EPHB2: variants seen among roughly 807,000 people sequenced by gnomAD.
The protein encoded by EPHB2 is EPH receptor B2, also known as ephrin type-B receptor 2.
Under a neutral mutation model 96.4 loss-of-function variants are expected in EPHB2, and 18 were observed. The ratio of observed to expected loss-of-function variants is 0.19; its 90% confidence interval spans 0.13 to 0.28. The LOEUF (loss-of-function observed/expected upper bound fraction) is 0.28. Ranked by LOEUF, EPHB2 falls within the 10% of genes least tolerant of loss-of-function variation. The pLI is 1.00. For missense variants in EPHB2, 989 were observed against 1,355.4 expected (o/e 0.73, Z 4.25); for synonymous variants, 506 against 534.1 (o/e 0.95, Z 0.72).
intron 1 of EPHB2, chr1:22,775,202 A>G: frequency 1.3e-6 from 1 of 779,782 alleles, no homozygotes; most frequent in Non-Finnish European, 2.4e-6. Context: ...AAATAGATGG[A>G]TGTGGGTTCC....
chr1:22,741,400 C>T (rs1643900483), intron 1 of EPHB2, among the ~76,000 whole-genome samples: 1 of 152,128 alleles, frequency 6.6e-6, no homozygotes, highest in Non-Finnish European at 1.5e-5. Context: ...TGCCTTCCTC[C>T]AGCCTGCGCC....
At position 22,882,704 on chromosome 1, in the gene EPHB2, T is replaced by C. The variant is rs1639090499; in HGVS notation, c.1428+221T>C. On this transcript the variant is annotated intron_variant, in intron 6 of 15. Coordinates refer to ENST00000374630, the MANE Select transcript of EPHB2 (RefSeq NM_017449.5). ...TTGACCTCTCTGGATCTCACTTTTC[T>C]GGTCTGGAGGATACACCCAGCAATC... is the stretch of plus-strand genomic sequence containing the variant. The C allele has an allele frequency of 3.1e-5, 17 of 550,206 alleles. No homozygotes were observed. The South Asian group carries it at 3.1e-4, about 10-fold the overall frequency. 34.1% of individuals were successfully genotyped at this position (550,206 alleles called of 1,614,324 possible).
chr1:22,864,081 C>T (rs894620107), intron 4 of EPHB2, among the ~76,000 whole-genome samples: 1 of 148,194 alleles, frequency 6.7e-6, no homozygotes, highest in African/African-American at 2.5e-5. Flanking sequence ...CACTCTGTCG[C>T]CCAGGCTCTG....
intron 3 of EPHB2, among the ~76,000 whole-genome samples, chr1:22,801,937 G>A (rs535955873): frequency 1.3e-5 from 2 of 152,342 alleles, no homozygotes; most frequent in South Asian, 4.1e-4. Context: ...TGACAGCCGC[G>A]CCGAATCCCG....
intron 1 of EPHB2, among the ~76,000 whole-genome samples, chr1:22,762,009 T>C (rs1337899721): frequency 6.6e-6 from 1 of 152,172 alleles, no homozygotes; most frequent in Non-Finnish European, 1.5e-5. Flanking sequence ...TAAAAGAAAA[T>C]GAAAATTGAA....
chr1:22,803,712 T>C (rs1644882369), intron 3 of EPHB2, among the ~76,000 whole-genome samples: 2 of 148,714 alleles, frequency 1.3e-5, no homozygotes, highest in Admixed American at 6.7e-5. Context: ...TATATGTATA[T>C]GTGTATATAT....
intron 1 of EPHB2, among the ~76,000 whole-genome samples, chr1:22,747,306 T>C (rs914923625): frequency 6.6e-6 from 1 of 152,226 alleles, no homozygotes; most frequent in Admixed American, 6.5e-5. Context: ...TAAGCCCTTT[T>C]TCTGTGCCAA....
In EPHB2 at chr1:22,892,913, A is replaced by G; in HGVS notation, c.1458A>G (p.Ile486Met). The stretch of plus-strand genomic sequence containing the variant: ...TCAGTGAGTACAACGCCACAGCCAT[A>G]AAAAGCCCCACCAACACGGTCACCG... ...KELSEYNATAIKSPTNTVTVQ... is the reference protein window; with the variant it reads ...KELSEYNATAMKSPTNTVTVQ... Residue 486 changes from isoleucine to methionine, a missense_variant, in exon 7 of 16, where the codon ATA becomes ATG. Physicochemically the swap from Ile to Met is conservative, Grantham distance 10. Coordinates refer to ENST00000374630, the MANE Select transcript of EPHB2 (RefSeq NM_017449.5). The G allele has an allele frequency of 6.2e-7, 1 of 1,614,218 alleles. No individual in the cohort carries two copies. The highest frequency in any genetic ancestry group is 8.5e-7 in the Non-Finnish European group (1 of 1,180,028).
intron 1 of EPHB2, among the ~76,000 whole-genome samples, chr1:22,738,957 C>T (rs1455230982): frequency 1.3e-5 from 2 of 152,210 alleles, no homozygotes; most frequent in Non-Finnish European, 2.9e-5. Context: ...AGTATGCTCA[C>T]TCCCAAGTCT....
At chr1:22,864,823 G>T in intron 4 of EPHB2, 54 bp from the exon 5 acceptor site, 1 of 1,228,750 alleles carries the variant, frequency 8.1e-7, no homozygotes, top group South Asian at 1.4e-5. Flanking sequence ...GTGGTCACAT[G>T]GGGAATAGTA....
rs766097563 is a variant in EPHB2 at position 22,908,147 on chromosome 1, C to T, written c.2331C>T (p.Asp777=). The T allele has an allele frequency of 3.1e-6, 5 of 1,614,236 alleles. No individual in the cohort carries two copies. In the South Asian group the frequency reaches 5.5e-5, roughly 18 times the overall value. The change falls in exon 12 of 16, where the codon GAC becomes GAT. Residue 777 remains aspartate, a synonymous_variant. Transcript: ENST00000374630. Reference sequence around the variant, plus strand: ...GCTTTCTAGAGGACGATACCTCAGACCCCACCTACACCAGTGCCCTGGTAA... The same window carrying T: ...GCTTTCTAGAGGACGATACCTCAGATCCCACCTACACCAGTGCCCTGGTAA... ...LSRFLEDDTS[D]PTYTSALGGK... is the part of the protein sequence containing the mutation.
intron 13 of EPHB2, among the ~76,000 whole-genome samples, chr1:22,909,385 G>A (rs1640019361): frequency 6.6e-6 from 1 of 152,204 alleles, no homozygotes; most frequent in African/African-American, 2.4e-5. Flanking sequence ...AGTAGGAAAG[G>A]CCACCCATCC....
intron 9 of EPHB2, among the ~76,000 whole-genome samples, chr1:22,903,815 G>A (rs773830403): frequency 1.3e-5 from 2 of 152,100 alleles, no homozygotes; most frequent in African/African-American, 2.4e-5. Flanking sequence ...AGCTTTATGC[G>A]TGTGCCAGGG....
rs76334494 is a variant in EPHB2 at position 22,847,243 on chromosome 1, G to A, written c.812-15794G>A. The stretch of plus-strand genomic sequence containing the variant: ...TAATCGATTTTTCAGATGAGGAAAC[G>A]GAGATGCAAAGACAGTTTGAGGAGC... On this transcript the variant is annotated intron_variant, in intron 3 of 15. Transcript: ENST00000374630. 9.1e-3 allele frequency among the ~76,000 whole-genome samples: 1,393 copies of A among 152,302 alleles called. 15 individuals are homozygous for A. Among genetic ancestry groups the A allele is most frequent in the African/African-American group, 0.03 (1,246 of 41,550 alleles).
rs570775981 is a variant in EPHB2 at position 22,831,351 on chromosome 1, C to T, written c.812-31686C>T. 1.8e-4 allele frequency among the ~76,000 whole-genome samples: 28 copies of T among 152,168 alleles called. No individual in the cohort carries two copies. The South Asian group carries it at 5.2e-3, about 28-fold the overall frequency. ...GATGGGGAGTGGCTGCCCCTTGCTA[C>T]CTCCCCCCTTAGCAGAAAGTGAAAG... On this transcript the variant is annotated intron_variant, in intron 3 of 15. Coordinates refer to ENST00000374630, the MANE Select transcript of EPHB2 (RefSeq NM_017449.5).
In EPHB2 at chr1:22,881,665, G is replaced by A. The variant is rs546824223; in HGVS notation, c.1304-694G>A. Among the ~76,000 whole-genome samples, 7 of 152,292 alleles carry A rather than the reference G, an allele frequency of 4.6e-5. No individual in the cohort carries two copies. The South Asian group carries it at 1.2e-3, about 27-fold the overall frequency. ...GCTGGAGTGCAATGGCATGATCTCG[G>A]CTCACAGAAACTTCTGCCTCCCGCA... On this transcript the variant is annotated intron_variant, in intron 5 of 15. Transcript: ENST00000374630.
At chr1:22,797,692 G>A (rs888141975) in intron 3 of EPHB2, among the ~76,000 whole-genome samples, 11 of 152,102 alleles carry the variant, frequency 7.2e-5, no homozygotes, top group Admixed American at 4.6e-4. Context: ...TGCTTGGTCT[G>A]GCCAGAATCT....
At chr1:22,889,883 G>A (rs937564440) in intron 6 of EPHB2, among the ~76,000 whole-genome samples, 9 of 152,140 alleles carry the variant, frequency 5.9e-5, no homozygotes, top group African/African-American at 1.2e-4. Flanking sequence ...AATATTGCAC[G>A]GGGCGTACTT....
chr1:22,749,719 C>G (rs952359643), intron 1 of EPHB2, among the ~76,000 whole-genome samples: 1 of 152,084 alleles, frequency 6.6e-6, no homozygotes, highest in African/African-American at 2.4e-5. Context: ...TCTACCGGAG[C>G]CATTCATTCA....
Sources: gnomAD v4.1 joint callset for allele counts (sites outside exome capture counted in the v4.1 genomes callset) on GRCh38, gnomAD v4.1.1 for gene constraint, MANE v1.5 for transcripts, NCBI Gene and HGNC (gene_info 2026-07-23, HGNC 2026-07-21) for gene names.